NMNAT2: variants seen among roughly 807,000 people sequenced by gnomAD.
NMNAT2 encodes nicotinamide/nicotinic acid mononucleotide adenylyltransferase 2.
A neutral mutation model predicts 41.6 loss-of-function variants in NMNAT2; 11 were observed. The observed-to-expected ratio is 0.26, with a 90% CI of 0.17 to 0.44. The LOEUF (loss-of-function observed/expected upper bound fraction) is 0.44. Ranked by LOEUF, NMNAT2 falls within the 20% of genes least tolerant of loss-of-function variation. NMNAT2 has a pLI of 1.00. For synonymous variants in NMNAT2, 148 were observed against 151.2 expected (o/e 0.98, Z 0.16); for missense variants, 288 against 407.7 (o/e 0.71, Z 2.53).
chr1:183,296,680 T>C (rs1661708438), intron 1 of NMNAT2, among the ~76,000 whole-genome samples: 1 of 152,052 alleles, frequency 6.6e-6, no homozygotes, highest in African/African-American at 2.4e-5. Flanking sequence ...ACCCAGCTAA[T>C]TTTTTTATTT....
intron 8 of NMNAT2, among the ~76,000 whole-genome samples, chr1:183,274,374 C>T (rs1183693291): frequency 1.3e-5 from 2 of 152,014 alleles, no homozygotes; most frequent in South Asian, 2.1e-4. Flanking sequence ...TGCAATGGCA[C>T]GATCTCTGCT....
intron 1 of NMNAT2, among the ~76,000 whole-genome samples, chr1:183,313,415 A>G (rs921762061): frequency 6.6e-6 from 1 of 152,230 alleles, no homozygotes; most frequent in African/African-American, 2.4e-5. Flanking sequence ...GAAAAAAGAA[A>G]ATTAATGTTT....
At chr1:183,293,063 G>A (rs1055992081) in intron 2 of NMNAT2, among the ~76,000 whole-genome samples, 4 of 152,340 alleles carry the variant, frequency 2.6e-5, no homozygotes, top group Middle Eastern at 3.4e-3. Context: ...AGGGTGTGTG[G>A]TATATACCAC....
chr1:183,383,999 T>C (rs957188363), intron 1 of NMNAT2, among the ~76,000 whole-genome samples: 5 of 152,196 alleles, frequency 3.3e-5, no homozygotes, highest in African/African-American at 1.2e-4. Context: ...TATTAGTCCA[T>C]TTTCACATTG....
intron 1 of NMNAT2, among the ~76,000 whole-genome samples, chr1:183,379,955 A>AT (rs1178052520): frequency 6.6e-6 from 1 of 152,238 alleles, no homozygotes; most frequent in East Asian, 1.9e-4. Context: ...ATCATACTTT[A>AT]GTCCTTCATG....
rs181867367 is a variant in NMNAT2 at position 183,250,359 on chromosome 1, C to T, written c.*2282G>A. On this transcript the variant is annotated 3_prime_UTR_variant, in exon 11 of 11. Coordinates refer to ENST00000287713, the MANE Select transcript of NMNAT2 (RefSeq NM_015039.4). ...AGATCTCTTTATTTCTAAAGGAAAC[C>T]TAACAGTGGCCTTCCTTACTATCAC... 6.6e-6 allele frequency: 1 copy of T among 152,308 alleles called. No individual in the cohort carries two copies. The highest frequency in any genetic ancestry group is 1.9e-4 in the East Asian group (1 of 5,184). 9.4% of individuals were successfully genotyped at this position (152,308 alleles called of 1,614,324 possible). A position where few individuals can be genotyped will look rare whatever the true frequency, so the allele number is the denominator to read the frequency against.
intron 1 of NMNAT2, among the ~76,000 whole-genome samples, chr1:183,365,738 CA>C (rs531748844): frequency 1.3e-4 from 19 of 146,056 alleles, no homozygotes; most frequent in East Asian, 1.0e-3. Flanking sequence ...AACTCCATCT[CA>C]AAAAAAAAAG....
At chr1:183,301,692 T>G (rs555553369) in intron 1 of NMNAT2, among the ~76,000 whole-genome samples, 149 of 152,312 alleles carry the variant, frequency 9.8e-4, no homozygotes, top group African/African-American at 3.4e-3. Context: ...TCTCCCTTCC[T>G]TATAGCCTGT....
At position 183,397,779 on chromosome 1, in the gene NMNAT2, T is replaced by G. The variant is rs193064517; in HGVS notation, c.85+20404A>C. 2.1e-3 allele frequency among the ~76,000 whole-genome samples: 326 copies of G among 152,218 alleles called. 3 individuals carry two copies. The highest frequency in any genetic ancestry group is 7.1e-3 in the African/African-American group (296 of 41,532). ...TTCAACATTTTTAAAGAAAAGAATT[T>G]TCAACGCAGAATTTCATGTCCAGCC... is the stretch of plus-strand genomic sequence containing the variant. On this transcript the variant is annotated intron_variant, in intron 1 of 10. Transcript: ENST00000287713.
chr1:183,341,532 A>C lies in NMNAT2; in HGVS notation c.86-47739T>G, dbSNP rs1304991327. 4.0e-5 allele frequency among the ~76,000 whole-genome samples: 6 copies of C among 148,870 alleles called. 1 individual carries two copies. In the South Asian group the frequency reaches 1.1e-3, roughly 27 times the overall value. ...GTCTCTACAAAAAATGCAAAAAAAA[A>C]AAAAAAAAAAAAATTAGCCAGGCAT... On this transcript the variant is annotated intron_variant, in intron 1 of 10. Transcript: ENST00000287713.
At chr1:183,299,377 AAAAAAAAT>A (rs1214870837) in intron 1 of NMNAT2, among the ~76,000 whole-genome samples, 7 of 152,048 alleles carry the variant, frequency 4.6e-5, no homozygotes, top group Non-Finnish European at 8.8e-5. Flanking sequence ...CTCTGTCTCA[AAAAAAAAT>A]AAAAAAATAA....
At chr1:183,331,728 C>A (rs1358303315) in intron 1 of NMNAT2, among the ~76,000 whole-genome samples, 1 of 152,200 alleles carries the variant, frequency 6.6e-6, no homozygotes, top group Non-Finnish European at 1.5e-5. Flanking sequence ...CACAGCCCAC[C>A]CCCACCACCC....
rs1345369856 is a variant in NMNAT2 at position 183,253,290 on chromosome 1, G to C, written c.822-547C>G. On this transcript the variant is annotated intron_variant, in intron 10 of 10. Coordinates refer to ENST00000287713, the MANE Select transcript of NMNAT2 (RefSeq NM_015039.4). ...ACTATATTATATTATTTATATAATA[G>C]TGTTAATATTATATTATATTATATT... is the stretch of plus-strand genomic sequence containing the variant. Among the ~76,000 whole-genome samples the C allele has an allele frequency of 2.1e-5, 3 of 146,254 alleles. No individual in the cohort carries two copies. In the East Asian group the frequency reaches 5.9e-4, roughly 29 times the overall value.
At chr1:183,392,993 AG>A (rs1167714162) in intron 1 of NMNAT2, among the ~76,000 whole-genome samples, 1 of 152,168 alleles carries the variant, frequency 6.6e-6, no homozygotes, top group Non-Finnish European at 1.5e-5. Context: ...TAAACACATA[AG>A]GGCAAGGATT....
intron 3 of NMNAT2, 44 bp from the exon 4 acceptor site, chr1:183,290,250 A>G: frequency 6.8e-7 from 1 of 1,464,458 alleles, no homozygotes; most frequent in Non-Finnish European, 9.3e-7. Flanking sequence ...CTGTTCTCAT[A>G]TTCTTTCCTT....
At chr1:183,311,758 C>G (rs1662126836) in intron 1 of NMNAT2, among the ~76,000 whole-genome samples, 1 of 141,326 alleles carries the variant, frequency 7.1e-6, no homozygotes, top group Non-Finnish European at 1.5e-5. Flanking sequence ...CACACACACA[C>G]ACACACACGC....
intron 1 of NMNAT2, among the ~76,000 whole-genome samples, chr1:183,416,135 G>T (rs1485432572): frequency 6.6e-6 from 1 of 152,208 alleles, no homozygotes; most frequent in Non-Finnish European, 1.5e-5. Flanking sequence ...TGGCAGGTCA[G>T]CATTCGCTTA....
intron 1 of NMNAT2, among the ~76,000 whole-genome samples, chr1:183,322,330 G>A (rs760316844): frequency 1.7e-4 from 26 of 152,340 alleles, no homozygotes; most frequent in Non-Finnish European, 3.2e-4. Flanking sequence ...ACGTTCAGGT[G>A]TGTATGGTCC....
intron 1 of NMNAT2, among the ~76,000 whole-genome samples, chr1:183,316,400 G>C (rs779080649): frequency 2.0e-5 from 3 of 152,188 alleles, no homozygotes; most frequent in African/African-American, 7.2e-5. Flanking sequence ...GTCTCCTGCA[G>C]GCCCTCCAGC....
Sources: allele counts gnomAD v4.1 joint callset (sites outside exome capture counted in the v4.1 genomes callset), GRCh38; gene constraint gnomAD v4.1.1; transcripts MANE v1.5; gene names NCBI Gene and HGNC (gene_info 2026-07-23, HGNC 2026-07-21).